SART3: variants seen among roughly 807,000 people sequenced by gnomAD.
SART3 encodes the protein HIV-1 Tat-interacting protein of 110kDa.
SART3 carries 44 observed loss-of-function variants against 122.3 expected under a neutral mutation model. The ratio of observed to expected loss-of-function variants is 0.36; its 90% CI spans 0.28 to 0.46. SART3 has a LOEUF of 0.46. Among genes scored for constraint, SART3 ranks in the 20% least tolerant of loss-of-function variants. SART3 has a pLI of 1.00. For missense variants in SART3, 1,101 were observed against 1,229.0 expected (o/e 0.90, Z 1.56); for synonymous variants, 442 against 454.0 (o/e 0.97, Z 0.34).
intron 1 of SART3, among the ~76,000 whole-genome samples, chr12:108,555,936 A>C (rs2030203822): frequency 6.6e-6 from 1 of 152,228 alleles, no homozygotes; most frequent in Admixed American, 6.5e-5. Context: ...TAAGTTAATC[A>C]GTGGAATTGG....
At chr12:108,525,656 C>T (rs1162243622) in intron 16 of SART3, 47 bp from the exon 17 acceptor site, 2 of 1,593,126 alleles carry the variant, frequency 1.3e-6, no homozygotes, top group Admixed American at 1.7e-5. Flanking sequence ...CGAGGCATGA[C>T]CCAGCTCACC....
intron 3 of SART3, among the ~76,000 whole-genome samples, chr12:108,545,867 G>A (rs966343264): frequency 2.7e-5 from 4 of 150,824 alleles, no homozygotes; most frequent in African/African-American, 7.3e-5. Context: ...TCAGGAGGCT[G>A]AGGCAGGAGA....
chr12:108,528,044 C>T (rs1479793920), intron 15 of SART3, among the ~76,000 whole-genome samples: 2 of 152,128 alleles, frequency 1.3e-5, no homozygotes, highest in African/African-American at 4.8e-5. Flanking sequence ...GGATTACAGG[C>T]ATGAGCTACC....
At chr12:108,557,674 C>T (rs1179033171) in intron 1 of SART3, among the ~76,000 whole-genome samples, 1 of 152,220 alleles carries the variant, frequency 6.6e-6, no homozygotes, top group African/African-American at 2.4e-5. Flanking sequence ...GCTGAAATAA[C>T]TTGTACAAGG....
intron 15 of SART3, among the ~76,000 whole-genome samples, chr12:108,529,302 C>T (rs752250680): frequency 8.5e-5 from 13 of 152,058 alleles, no homozygotes; most frequent in South Asian, 4.1e-4. Context: ...CACACGCACA[C>T]GCACACACAC....
At position 108,524,964 on chromosome 12, in the gene SART3, G is replaced by C. The variant is rs1872306151; in HGVS notation, c.2524-458C>G. On this transcript the variant is annotated intron_variant, in intron 17 of 18. Transcript: ENST00000546815. Reference sequence around the variant, plus strand: ...TAAAGGGGAGGGAGAGTGGGCAGTGGGTAGACAGTAATGAAACCACTTACT... The same window carrying C: ...TAAAGGGGAGGGAGAGTGGGCAGTGCGTAGACAGTAATGAAACCACTTACT... 1.0e-5 allele frequency: 3 copies of C among 294,450 alleles called. No individual in the cohort carries two copies. In the South Asian group the frequency reaches 1.0e-4, roughly 10 times the overall value. 18.2% of individuals were successfully genotyped at this position (294,450 alleles called of 1,614,324 possible).
At chr12:108,555,595 G>A (rs2030186901) in intron 1 of SART3, among the ~76,000 whole-genome samples, 1 of 152,212 alleles carries the variant, frequency 6.6e-6, no homozygotes, top group South Asian at 2.1e-4. Flanking sequence ...AGCCCAGCAG[G>A]CGGAGGTTGC....
At chr12:108,547,277 T>C (rs1365602780) in intron 3 of SART3, among the ~76,000 whole-genome samples, 2 of 152,210 alleles carry the variant, frequency 1.3e-5, no homozygotes, top group African/African-American at 2.4e-5. Flanking sequence ...ACTGGTAAGA[T>C]GTCAATACCA....
chr12:108,548,964 T>C, intron 2 of SART3, 124 bp downstream of exon 2: 1 of 1,460,880 alleles, frequency 6.8e-7, no homozygotes, highest in Non-Finnish European at 9.5e-7. Context: ...CTGATGCGTT[T>C]TCTTCTTTCC....
chr12:108,525,175 A>T (rs1468557004), intron 17 of SART3, among the ~76,000 whole-genome samples: 1 of 152,266 alleles, frequency 6.6e-6, no homozygotes, highest in Non-Finnish European at 1.5e-5. Flanking sequence ...GCTGCTGGTC[A>T]CAGGGCTTCC....
intron 8 of SART3, 171 bp from the exon 9 acceptor site, chr12:108,537,766 C>T (rs934723441): frequency 4.4e-6 from 3 of 682,534 alleles, no homozygotes; most frequent in Non-Finnish European, 7.6e-6. Flanking sequence ...CAGCACTCTA[C>T]AGACTGTGTT....
chr12:108,538,341 C>CA (rs1378536640), intron 7 of SART3, 138 bp from the exon 8 acceptor site: 65 of 990,644 alleles, frequency 6.6e-5, no homozygotes, highest in Non-Finnish European at 7.6e-5. Context: ...TCAACAACAA[C>CA]AAAAAAATCA....
Position 108,522,307 on chromosome 12 carries a change from C to G in SART3, c.*1150G>C, listed in dbSNP as rs1412659530. ...AGTTAAAAAAATATAGAAAACCCGA[C>G]TGATGCACAAAAACTTAAACTTACG... On this transcript the variant is annotated 3_prime_UTR_variant, in exon 19 of 19. Transcript: ENST00000546815. 6.6e-6 allele frequency among the ~76,000 whole-genome samples: 1 copy of G among 152,188 alleles called. No individual in the cohort carries two copies. Among genetic ancestry groups the G allele is most frequent in the South Asian group, 2.1e-4 (1 of 4,830 alleles).
At chr12:108,535,298 G>T in intron 12 of SART3, 61 bp downstream of exon 12, 1 of 1,328,084 alleles carries the variant, frequency 7.5e-7, no homozygotes, top group Non-Finnish European at 1.1e-6. Flanking sequence ...AGTCAGCCAG[G>T]AGTGAAGACA....
chr12:108,530,573 C>T (rs925163707), intron 14 of SART3, among the ~76,000 whole-genome samples: 1 of 152,106 alleles, frequency 6.6e-6, no homozygotes, highest in African/African-American at 2.4e-5. Flanking sequence ...ATCCATAAAA[C>T]TGGCCGGGCG....
At chr12:108,547,641 G>C (rs935731121) in intron 3 of SART3, among the ~76,000 whole-genome samples, 1 of 151,550 alleles carries the variant, frequency 6.6e-6, no homozygotes, top group Non-Finnish European at 1.5e-5. Context: ...AGTTCTCACT[G>C]TCAATAAATC....
At chr12:108,537,691 T>C (rs992127863) in intron 8 of SART3, 96 bp from the exon 9 acceptor site, 1 of 881,854 alleles carries the variant, frequency 1.1e-6, no homozygotes. Context: ...TACATGACTT[T>C]AAAGACTAAT....
intron 15 of SART3, among the ~76,000 whole-genome samples, chr12:108,528,437 C>G (rs1304543683): frequency 1.4e-5 from 2 of 146,486 alleles, no homozygotes; most frequent in African/African-American, 2.5e-5. Context: ...GAGCCGAGAT[C>G]ACGCAACTGC....
At chr12:108,542,553 A>C (rs1873215900) in intron 6 of SART3, among the ~76,000 whole-genome samples, 1 of 152,216 alleles carries the variant, frequency 6.6e-6, no homozygotes, top group Non-Finnish European at 1.5e-5. Flanking sequence ...ACAACTTTAC[A>C]GCAGTGAAAA....
Sources: gnomAD v4.1 joint callset for allele counts (sites outside exome capture counted in the v4.1 genomes callset) on GRCh38, gnomAD v4.1.1 for gene constraint, MANE v1.5 for transcripts, NCBI Gene and HGNC (gene_info 2026-07-23, HGNC 2026-07-21) for gene names.